DAB1: variants seen among roughly 807,000 people sequenced by gnomAD.
DAB1 encodes DAB adaptor protein 1.
A neutral mutation model predicts 64.6 loss-of-function variants in DAB1; 15 were observed. That is an observed-to-expected ratio of 0.23 (90% confidence interval 0.16 to 0.36). The LOEUF (loss-of-function observed/expected upper bound fraction) is 0.36. Among genes scored for constraint, DAB1 ranks in the 10% least tolerant of loss-of-function variants. The probability of loss-of-function intolerance (pLI) is 1.00; values close to 1 mark genes in which losing one functional copy is unlikely to be tolerated. For synonymous variants in DAB1, 235 were observed against 251.9 expected, an observed-to-expected ratio of 0.93 and a Z score of 0.64; for missense variants, 596 against 706.7, an observed-to-expected ratio of 0.84 and a Z score of 1.78.
intron 2 of DAB1, among the ~76,000 whole-genome samples, chr1:57,290,587 G>T (rs1048412490): frequency 3.9e-5 from 6 of 152,104 alleles, no homozygotes; most frequent in African/African-American, 1.4e-4. Flanking sequence ...TGCATAGAAG[G>T]CATATGCAGA....
chr1:58,255,949 G>A (rs1557716477), intron 4 of DAB1, among the ~76,000 whole-genome samples: 1 of 152,198 alleles, frequency 6.6e-6, no homozygotes, highest in Non-Finnish European at 1.5e-5. Flanking sequence ...AAGCTCCCCT[G>A]TTCCAAGGTA....
chr1:58,457,960 C>T (rs968850026), intron 3 of DAB1, among the ~76,000 whole-genome samples: 2 of 152,178 alleles, frequency 1.3e-5, no homozygotes, highest in African/African-American at 4.8e-5. Context: ...GGACCACTCA[C>T]TCATTCATAC....
upstream of DAB1, among the ~76,000 whole-genome samples, chr1:57,885,784 C>A (rs1446493992): frequency 6.6e-6 from 1 of 152,112 alleles, no homozygotes; most frequent in Admixed American, 6.5e-5. Flanking sequence ...TTTAACTACT[C>A]TTGCTGGATT....
chr1:58,107,541 C>T (rs979353790), intron 5 of DAB1, among the ~76,000 whole-genome samples: 9 of 151,332 alleles, frequency 5.9e-5, no homozygotes, highest in African/African-American at 1.9e-4. Flanking sequence ...TTTCACAGAA[C>T]AGCCAGAAAG....
chr1:58,103,332 T>C (rs975366332), intron 5 of DAB1, among the ~76,000 whole-genome samples: 7 of 152,090 alleles, frequency 4.6e-5, no homozygotes, highest in Non-Finnish European at 8.8e-5. Context: ...GTGGAAAACT[T>C]TCTCCGTAAA....
At chr1:57,480,645 T>C (rs1406177536) in intron 7 of DAB1, among the ~76,000 whole-genome samples, 2 of 151,980 alleles carry the variant, frequency 1.3e-5, no homozygotes, top group Non-Finnish European at 2.9e-5. Flanking sequence ...CCACCATGCC[T>C]GGCTAATTTT....
At chr1:57,674,405 C>T (rs1646542568) in intron 6 of DAB1, among the ~76,000 whole-genome samples, 1 of 152,146 alleles carries the variant, frequency 6.6e-6, no homozygotes, top group African/African-American at 2.4e-5. Flanking sequence ...TCTTTTTCCC[C>T]ACCATGAGCT....
At chr1:57,186,044 T>C (rs1663522396) in intron 2 of DAB1, among the ~76,000 whole-genome samples, 1 of 152,180 alleles carries the variant, frequency 6.6e-6, no homozygotes, top group African/African-American at 2.4e-5. Flanking sequence ...CAGTCTTGCC[T>C]GTATATCAAT....
intron 9 of DAB1, among the ~76,000 whole-genome samples, chr1:57,042,446 T>G (rs1342456070): frequency 6.6e-6 from 1 of 152,140 alleles, no homozygotes; most frequent in Non-Finnish European, 1.5e-5. Flanking sequence ...TTATCTCTAG[T>G]CAGCTCTTCA....
intron 2 of DAB1, among the ~76,000 whole-genome samples, chr1:57,272,260 C>A (rs146262792): frequency 6.6e-6 from 1 of 152,164 alleles, no homozygotes; most frequent in African/African-American, 2.4e-5. Flanking sequence ...TAGAACCACA[C>A]GCCTGGAGAC....
At chr1:57,938,252 C>G (rs1645055864) in intron 5 of DAB1, among the ~76,000 whole-genome samples, 1 of 152,174 alleles carries the variant, frequency 6.6e-6, no homozygotes, top group Non-Finnish European at 1.5e-5. Flanking sequence ...ATGCTCAGTA[C>G]AGGGTTTTAA....
chr1:58,159,611 C>A (rs1436541549), intron 4 of DAB1, among the ~76,000 whole-genome samples: 3 of 152,230 alleles, frequency 2.0e-5, no homozygotes, highest in Admixed American at 6.5e-5. Flanking sequence ...TATGGATCAT[C>A]AGTCTTCTCA....
intron 2 of DAB1, among the ~76,000 whole-genome samples, chr1:57,207,103 G>T (rs2100307657): frequency 6.6e-6 from 1 of 150,756 alleles, no homozygotes; most frequent in East Asian, 2.0e-4. Context: ...CGAGTAGCTG[G>T]GATTATGGGC....
intron 6 of DAB1, among the ~76,000 whole-genome samples, chr1:57,746,100 G>A (rs1288681697): frequency 1.3e-5 from 2 of 152,064 alleles, no homozygotes; most frequent in Non-Finnish European, 2.9e-5. Context: ...GAACATACAG[G>A]TGGTTTAAAT....
intron 7 of DAB1, among the ~76,000 whole-genome samples, chr1:57,507,658 C>G (rs1183000418): frequency 6.6e-6 from 1 of 152,166 alleles, no homozygotes; most frequent in South Asian, 2.1e-4. Flanking sequence ...ACATCTTTCT[C>G]CCTTCTTCTG....
intron 5 of DAB1, among the ~76,000 whole-genome samples, chr1:57,957,184 G>C (rs1645412106): frequency 6.6e-6 from 1 of 152,188 alleles, no homozygotes; most frequent in African/African-American, 2.4e-5. Flanking sequence ...CGAGGACCAG[G>C]TAAGAAGCTA....
intron 7 of DAB1, among the ~76,000 whole-genome samples, chr1:57,442,744 C>T (rs1686001819): frequency 6.6e-6 from 1 of 152,210 alleles, no homozygotes. Flanking sequence ...CCTGGGCATT[C>T]CCCATGGAGG....
At chr1:58,478,300 G>A in intron 3 of DAB1, among the ~76,000 whole-genome samples, 1 of 152,142 alleles carries the variant, frequency 6.6e-6, no homozygotes, top group Non-Finnish European at 1.5e-5. Context: ...CAGCCATGTA[G>A]AACTGTGAGT....
chr1:58,518,244 G>C lies in DAB1; in HGVS notation n.107+9017C>G, dbSNP rs866944996. Reference sequence around the variant, plus strand: ...GAGAGGGGAGAGGGGAGAGGGGAGAGGGGAGAGGGGAGAGGGGAGAGGAGA... The same window carrying C: ...GAGAGGGGAGAGGGGAGAGGGGAGACGGGAGAGGGGAGAGGGGAGAGGAGA... On this transcript the variant is annotated intron_variant and non_coding_transcript_variant, in intron 2 of 20. Coordinates refer to the DAB1 transcript ENST00000485760. Among the ~76,000 whole-genome samples the C allele has an allele frequency of 6.5e-3, 99 of 15,322 alleles. 2 individuals are homozygous for C. Among genetic ancestry groups the C allele is most frequent in the African/African-American group, 0.019 (50 of 2,676 alleles). The allele number at this position is 15,322 out of a possible 152,430, so 10.1% of individuals were successfully genotyped here. A position where few individuals can be genotyped will look rare whatever the true frequency, so the allele number is the denominator to read the frequency against.
Sources: allele counts gnomAD v4.1 joint callset (sites outside exome capture counted in the v4.1 genomes callset), GRCh38; gene constraint gnomAD v4.1.1; transcripts MANE v1.5; gene names NCBI Gene and HGNC (gene_info 2026-07-23, HGNC 2026-07-21).